The following CCDC27 variants were observed in gnomAD, a reference collection of about 807,000 sequenced individuals.
CCDC27 encodes coiled-coil domain containing 27, also known as coiled-coil domain-containing protein 27.
CCDC27 carries 80 observed loss-of-function variants against 80.3 expected under a neutral mutation model. The ratio of observed to expected loss-of-function variants is 1.00; its 90% CI spans 0.83 to 1.20. The LOEUF (loss-of-function observed/expected upper bound fraction) is 1.20. Among genes scored for constraint, CCDC27 ranks in the 50% most tolerant of loss-of-function variants. CCDC27 has a pLI of 0.00. For synonymous variants in CCDC27, 342 were observed against 334.3 expected, an observed-to-expected ratio of 1.02 and a Z score of -0.25; for missense variants, 815 against 809.4, an observed-to-expected ratio of 1.01 and a Z score of -0.08.
intron 2 of CCDC27, among the ~76,000 whole-genome samples, chr1:3,754,899 A>G (rs965224747): frequency 1.3e-5 from 2 of 152,172 alleles, no homozygotes; most frequent in Non-Finnish European, 2.9e-5. Flanking sequence ...AGCCAGCATC[A>G]GGTAGAAGCA....
At position 3,761,742 on chromosome 1, in the gene CCDC27, T is replaced by C. The variant is rs946626598; in HGVS notation, c.861+312T>C. On this transcript the variant is annotated intron_variant, in intron 5 of 11. Transcript: ENST00000294600. The surrounding 1 kb of genome is among the most constrained non-coding windows in gnomAD (Gnocchi z 5.0). Reference sequence around the variant, plus strand: ...CACCTGCACCTGGCTTCTGACTTGCTTTCTGAATGGGGCAAGGCACAACGC... The same window carrying C: ...CACCTGCACCTGGCTTCTGACTTGCCTTCTGAATGGGGCAAGGCACAACGC... Among the ~76,000 whole-genome samples the C allele has an allele frequency of 1.3e-5, 2 of 152,180 alleles. No individual in the cohort carries two copies. Among genetic ancestry groups the C allele is most frequent in the African/African-American group, 4.8e-5 (2 of 41,444 alleles).
chr1:3,762,193 C>T (rs1034365427), intron 5 of CCDC27, among the ~76,000 whole-genome samples: 1 of 152,136 alleles, frequency 6.6e-6, no homozygotes, highest in Non-Finnish European at 1.5e-5. Flanking sequence ...TGCCAACTGC[C>T]CTAAATGCCT....
At position 3,771,384 on chromosome 1, in the gene CCDC27, C is replaced by T. The variant is rs1643359188; in HGVS notation, c.1849-17C>T. ...GGAACTGGGAAGGCCACCTCGACGG[C>T]TGTGTTTCTTGTGTAGAGAATTATC... On this transcript the variant is annotated splice_polypyrimidine_tract_variant and intron_variant, in intron 11 of 11. Coordinates refer to ENST00000294600, the MANE Select transcript of CCDC27 (RefSeq NM_152492.3). The T allele has an allele frequency of 4.3e-6, 7 of 1,613,640 alleles. No individual in the cohort carries two copies. The highest frequency in any genetic ancestry group is 5.9e-6 in the Non-Finnish European group (7 of 1,179,802).
intron 1 of CCDC27, among the ~76,000 whole-genome samples, chr1:3,753,830 ACAGT>A (rs1005797102): frequency 6.6e-5 from 10 of 151,288 alleles, no homozygotes; most frequent in African/African-American, 2.2e-4. Flanking sequence ...ATCTCAGCCG[ACAGT>A]CAGGCAGAAG....
rs1484667000 is a variant in CCDC27, at chr1:3,766,733, A to T, written c.1530+121A>T. ...ACAGCTGAGCCAGGACCCCTTCGGT[A>T]GCATGCCACTCGACAGATCTCTGCA... On this transcript the variant is annotated intron_variant, in intron 9 of 11. Coordinates refer to ENST00000294600, the MANE Select transcript of CCDC27 (RefSeq NM_152492.3). The surrounding 1 kb of genome is among the most constrained non-coding windows in gnomAD (Gnocchi z 6.1). The T allele has an allele frequency of 2.9e-6, 2 of 701,010 alleles. No homozygotes were observed. Among genetic ancestry groups the T allele is most frequent in the Non-Finnish European group, 4.8e-6 (2 of 414,634 alleles). The allele number at this position is 701,010 out of a possible 1,614,324, so 43.4% of individuals were successfully genotyped here. A position where few individuals can be genotyped will look rare whatever the true frequency, so the allele number is the denominator to read the frequency against.
At chr1:3,756,550 A>T in intron 3 of CCDC27, 183 bp from the exon 4 acceptor site, 2 of 605,758 alleles carry the variant, frequency 3.3e-6, no homozygotes, top group Non-Finnish European at 2.9e-6. Context: ...TCGTGTTCAC[A>T]GCAGCACCAC....
chr1:3,763,689 T>C lies in CCDC27; in HGVS notation c.1322-17T>C. On this transcript the variant is annotated splice_polypyrimidine_tract_variant and intron_variant, in intron 7 of 11. Coordinates refer to ENST00000294600, the MANE Select transcript of CCDC27 (RefSeq NM_152492.3). This position sits in a 1 kb window ranked among gnomAD's most constrained non-coding sequence, Gnocchi z 7.5. Reference sequence around the variant, plus strand: ...CCCCTGCTTGCTCCTGCTCACCGCCTCTGCCTCTGTGCCCAGGAGTGATTG... The same window carrying C: ...CCCCTGCTTGCTCCTGCTCACCGCCCCTGCCTCTGTGCCCAGGAGTGATTG... The C allele has an allele frequency of 6.2e-7, 1 of 1,613,944 alleles. No individual in the cohort carries two copies. Among genetic ancestry groups the C allele is most frequent in the Non-Finnish European group, 8.5e-7 (1 of 1,179,868 alleles).
chr1:3,769,449 G>C lies in CCDC27; in HGVS notation c.1744-334G>C, dbSNP rs958027280. Among the ~76,000 whole-genome samples, 1 of 152,148 alleles carries C rather than the reference G, an allele frequency of 6.6e-6. No homozygotes were observed. The highest frequency in any genetic ancestry group is 2.4e-5 in the African/African-American group (1 of 41,424). On this transcript the variant is annotated intron_variant, in intron 10 of 11. Coordinates refer to ENST00000294600, the MANE Select transcript of CCDC27 (RefSeq NM_152492.3). The surrounding 1 kb of genome is among the most constrained non-coding windows in gnomAD (Gnocchi z 4.6). The stretch of plus-strand genomic sequence containing the variant: ...GGAGGATGGTCCAGGGGTTACGTGC[G>C]GCTTCTGTACTATTTTGGTTTGTTG...
intron 1 of CCDC27, among the ~76,000 whole-genome samples, chr1:3,753,320 CTTTTTTTTTTTTTTT>C (rs71580220): frequency 5.6e-4 from 53 of 95,000 alleles, no homozygotes; most frequent in Non-Finnish European, 1.0e-4. Context: ...TTTTCTTTTT[CTTTTTTTTTTTTTTT>C]TTTTTGAGAC....
intron 6 of CCDC27, 192 bp downstream of exon 6, chr1:3,762,904 T>A (rs1237625686): frequency 2.5e-6 from 2 of 788,998 alleles, no homozygotes; most frequent in East Asian, 2.7e-5. Flanking sequence ...TGCAGTCTAC[T>A]GACAGAGGGA....
Position 3,769,959 on chromosome 1 carries a change from G to C in CCDC27, c.1848+72G>C, listed in dbSNP as rs536165308. On this transcript the variant is annotated intron_variant, in intron 11 of 11. Transcript: ENST00000294600. This position sits in a 1 kb window ranked among gnomAD's most constrained non-coding sequence, Gnocchi z 4.6. ...GGCCAGAGCTGTGGTAGGGGGTTGTGGGGGGCCTAGATTCCAGGGACTCTG... is the reference window on the plus strand; with the variant it reads ...GGCCAGAGCTGTGGTAGGGGGTTGTCGGGGGCCTAGATTCCAGGGACTCTG... 2.9e-5 allele frequency: 32 copies of C among 1,089,188 alleles called. No individual in the cohort carries two copies. The highest frequency in any genetic ancestry group is 4.5e-5 in the Non-Finnish European group (32 of 703,830). The allele number at this position is 1,089,188 out of a possible 1,614,324, so 67.5% of individuals were successfully genotyped here.
chr1:3,766,404 C>T lies in CCDC27; in HGVS notation c.1453-131C>T, dbSNP rs1643227734. The T allele has an allele frequency of 3.2e-6, 2 of 615,398 alleles. No homozygotes were observed. Among genetic ancestry groups the T allele is most frequent in the Admixed American group, 3.0e-5 (1 of 32,994 alleles). The allele number at this position is 615,398 out of a possible 1,614,324, so 38.1% of individuals were successfully genotyped here. ...TAGTCCTTTTTCTTCTTCTCTTCTC[C>T]CTGCCTTCAATAGAAATCCCGCTGC... On this transcript the variant is annotated intron_variant, in intron 8 of 11. Coordinates refer to ENST00000294600, the MANE Select transcript of CCDC27 (RefSeq NM_152492.3). The surrounding 1 kb of genome is among the most constrained non-coding windows in gnomAD (Gnocchi z 6.1).
chr1:3,769,709 G>A lies in CCDC27; in HGVS notation c.1744-74G>A. 2.1e-6 allele frequency: 2 copies of A among 971,562 alleles called. No individual in the cohort carries two copies. The highest frequency in any genetic ancestry group is 3.4e-6 in the Non-Finnish European group (2 of 594,294). The allele number at this position is 971,562 out of a possible 1,614,324, so 60.2% of individuals were successfully genotyped here. On this transcript the variant is annotated intron_variant, in intron 10 of 11. Transcript: ENST00000294600. This position sits in a 1 kb window ranked among gnomAD's most constrained non-coding sequence, Gnocchi z 4.6. ...TTCCTGGTACATAAAAAATAAGGTG[G>A]TGGGGGGTGCAGCCCACTGGCCAGG...
rs1018003073 is a variant in CCDC27, at chr1:3,769,023, A to T, written c.1744-760A>T. Among the ~76,000 whole-genome samples the T allele has an allele frequency of 6.6e-6, 1 of 152,174 alleles. No individual in the cohort carries two copies. The highest frequency in any genetic ancestry group is 1.5e-5 in the Non-Finnish European group (1 of 68,038). On this transcript the variant is annotated intron_variant, in intron 10 of 11. Coordinates refer to ENST00000294600, the MANE Select transcript of CCDC27 (RefSeq NM_152492.3). The surrounding 1 kb of genome is among the most constrained non-coding windows in gnomAD (Gnocchi z 4.6). Reference sequence around the variant, plus strand: ...ATGCTTCCACTCGGAGGCAAGGCTGAGCCTCTCGGGCCCAGCTCCTGTGGG... The same window carrying T: ...ATGCTTCCACTCGGAGGCAAGGCTGTGCCTCTCGGGCCCAGCTCCTGTGGG...
At position 3,763,619 on chromosome 1, in the gene CCDC27, C is replaced by T. The variant is rs1643149824; in HGVS notation, c.1322-87C>T. On this transcript the variant is annotated intron_variant, in intron 7 of 11. Coordinates refer to ENST00000294600, the MANE Select transcript of CCDC27 (RefSeq NM_152492.3). This position sits in a 1 kb window ranked among gnomAD's most constrained non-coding sequence, Gnocchi z 7.5. ...GCCTCACCCAGGCTGGCAGAGCCCTCCCAGCTGCCGCAGTGGCCCGGCCCT... is the reference window on the plus strand; with the variant it reads ...GCCTCACCCAGGCTGGCAGAGCCCTTCCAGCTGCCGCAGTGGCCCGGCCCT... The T allele has an allele frequency of 6.3e-7, 1 of 1,580,490 alleles. No individual in the cohort carries two copies. The highest frequency in any genetic ancestry group is 2.2e-5 in the East Asian group (1 of 44,476).
chr1:3,755,755 G>T, intron 3 of CCDC27, 188 bp downstream of exon 3: 1 of 596,462 alleles, frequency 1.7e-6, no homozygotes. Context: ...TGACAGCATA[G>T]GCTGCAGTCC....
At chr1:3,755,668 C>G in intron 3 of CCDC27, 101 bp downstream of exon 3, 1 of 996,354 alleles carries the variant, frequency 1.0e-6, no homozygotes. Flanking sequence ...AATTCCCTCC[C>G]GGGACTGTCT....
In CCDC27 at chr1:3,764,974, G is replaced by T. The variant is rs536101499; in HGVS notation, c.1452+1138G>T. Among the ~76,000 whole-genome samples, 3 of 149,998 alleles carry T rather than the reference G, an allele frequency of 2.0e-5. No individual in the cohort carries two copies. The East Asian group carries it at 5.9e-4, about 30-fold the overall frequency. ...CGCTTGAACCCAGGAGAAGGAGGTTGCAGTGAGCCAAGATTGCACCATTGC... is the reference window on the plus strand; with the variant it reads ...CGCTTGAACCCAGGAGAAGGAGGTTTCAGTGAGCCAAGATTGCACCATTGC... On this transcript the variant is annotated intron_variant, in intron 8 of 11. Transcript: ENST00000294600.
In CCDC27 at chr1:3,761,273, C is replaced by T. The variant is rs754451793; in HGVS notation, c.712-8C>T. 17 of 1,612,960 alleles carry T rather than the reference C, an allele frequency of 1.1e-5. No homozygotes were observed. In the South Asian group the frequency reaches 1.8e-4, roughly 17 times the overall value. On this transcript the variant is annotated splice_polypyrimidine_tract_variant and splice_region_variant and intron_variant, in intron 4 of 11. Transcript: ENST00000294600. This position sits in a 1 kb window ranked among gnomAD's most constrained non-coding sequence, Gnocchi z 5.0. ...GCCCACGGGGGCTGCCCTTGGTTTT[C>T]TGCCCAGGATCACTGCCTGTCTGAG...
Sources: gnomAD v4.1 joint callset for allele counts (sites outside exome capture counted in the v4.1 genomes callset) on GRCh38, gnomAD v4.1.1 for gene constraint, Gnocchi (gnomAD v3.1) non-coding constraint, MANE v1.5 for transcripts, NCBI Gene and HGNC (gene_info 2026-07-23, HGNC 2026-07-21) for gene names.